The following IFI27L1 variants were observed in gnomAD, a reference collection of about 807,000 sequenced individuals.
IFI27L1 encodes interferon alpha-inducible protein 27-like protein 1.
IFI27L1 carries 3 observed loss-of-function variants against 9.2 expected under a neutral mutation model. The observed-to-expected ratio is 0.32, with a 90% CI of 0.15 to 0.84. The LOEUF (loss-of-function observed/expected upper bound fraction) is 0.84. Ranked by LOEUF, IFI27L1 falls within the 40% of genes least tolerant of loss-of-function variation. The pLI is 0.56. For synonymous variants in IFI27L1, 53 were observed against 50.0 expected (o/e 1.06, Z -0.26); for missense variants, 133 against 134.2 (o/e 0.99, Z 0.05).
rs1886697191 is a variant in IFI27L1, at chr14:94,096,982, A to G, written c.28+17A>G. 2 of 1,603,862 alleles carry G rather than the reference A, an allele frequency of 1.2e-6. No homozygotes were observed. Among genetic ancestry groups the G allele is most frequent in the Admixed American group, 3.4e-5 (2 of 58,804 alleles). ...GGGACTCAGGTGGGTACTGCACATGATTCTGGGGGCTGCTGGTCCTTCCGA... is the reference window on the plus strand; with the variant it reads ...GGGACTCAGGTGGGTACTGCACATGGTTCTGGGGGCTGCTGGTCCTTCCGA... On this transcript the variant is annotated intron_variant, in intron 2 of 4. Coordinates refer to ENST00000555523, the MANE Select transcript of IFI27L1 (RefSeq NM_206949.3).
At chr14:94,098,806 A>G (rs1886775922) in intron 2 of IFI27L1, among the ~76,000 whole-genome samples, 2 of 152,104 alleles carry the variant, frequency 1.3e-5, no homozygotes, top group Non-Finnish European at 2.9e-5. Flanking sequence ...CATCTTGATG[A>G]TTCACTCATG....
chr14:94,096,945 A>G lies in IFI27L1; in HGVS notation c.8A>G (p.Lys3Arg). 1 of 1,613,748 alleles carries G rather than the reference A, an allele frequency of 6.2e-7. No individual in the cohort carries two copies. Among genetic ancestry groups the G allele is most frequent in the African/African-American group, 1.3e-5 (1 of 75,040 alleles). Residue 3 changes from lysine (K) to arginine (R), a missense_variant, in exon 2 of 5, where the codon AAG (lysine) becomes AGG (arginine). Physicochemically the swap from Lys to Arg is conservative, Grantham distance 26 (BLOSUM62 2). Transcript: ENST00000555523. Reference protein sequence around the residue: MGKESGWDSGRAA... With the variant: MGRESGWDSGRAA... ...GAGGCGAAGGGGCCAACCATGGGAA[A>G]GGAGAGTGGATGGGACTCAGGTGGG...
chr14:94,081,769 A>G (rs1051802757), intron 1 of IFI27L1, among the ~76,000 whole-genome samples: 1 of 152,192 alleles, frequency 6.6e-6, no homozygotes, highest in Non-Finnish European at 1.5e-5. Flanking sequence ...CCCATATAAG[A>G]TACAAACGTA....
chr14:94,093,816 A>T (rs974902704), intron 1 of IFI27L1, among the ~76,000 whole-genome samples: 1 of 152,138 alleles, frequency 6.6e-6, no homozygotes, highest in Non-Finnish European at 1.5e-5. Flanking sequence ...TGAAATAAGG[A>T]TGTGTCTATC....
chr14:94,100,908 TG>T, intron 3 of IFI27L1, 137 bp downstream of exon 3: 1 of 942,888 alleles, frequency 1.1e-6, no homozygotes, highest in Non-Finnish European at 1.7e-6. Flanking sequence ...GGCAGAGTGA[TG>T]GGGACCTTAG....
rs1354941463 is a variant in IFI27L1 at position 94,081,319 on chromosome 14, G to A, written c.-182G>A. The A allele has an allele frequency of 1.3e-5, 2 of 152,318 alleles. No individual in the cohort carries two copies. Among genetic ancestry groups the A allele is most frequent in the Non-Finnish European group, 2.9e-5 (2 of 68,094 alleles). 9.4% of individuals were successfully genotyped at this position (152,318 alleles called of 1,614,324 possible). On this transcript the variant is annotated 5_prime_UTR_variant, in exon 1 of 5. Transcript: ENST00000555523. Reference sequence around the variant, plus strand: ...CCTCGCGGACCGCAGCAGTGCCGGCGGGAGAGCTGGCTTGGGGCGCTGGCA... The same window carrying A: ...CCTCGCGGACCGCAGCAGTGCCGGCAGGAGAGCTGGCTTGGGGCGCTGGCA...
At chr14:94,082,193 C>T (rs1004779405) in intron 1 of IFI27L1, among the ~76,000 whole-genome samples, 1 of 152,112 alleles carries the variant, frequency 6.6e-6, no homozygotes, top group Non-Finnish European at 1.5e-5. Flanking sequence ...AAAATAAAAC[C>T]GGCTACAGCA....
intron 1 of IFI27L1, chr14:94,088,106 C>T: frequency 1.6e-6 from 1 of 614,964 alleles, no homozygotes. Flanking sequence ...CCCTGGCTTC[C>T]CCATATGCCA....
In IFI27L1 at chr14:94,085,433, A is replaced by C. The variant is rs78185355; in HGVS notation, c.-52+3984A>C. On this transcript the variant is annotated intron_variant, in intron 1 of 4. Transcript: ENST00000555523. ...TTGCTGCAGTGCCTGGCACATGGTG[A>C]GCTCAATTGACCTTAGCAATTCCTT... Among the ~76,000 whole-genome samples, 771 of 152,342 alleles carry C rather than the reference A, an allele frequency of 5.1e-3. 21 individuals are homozygous for C. In the East Asian group the frequency reaches 0.076, roughly 15 times the overall value.
intron 1 of IFI27L1, among the ~76,000 whole-genome samples, chr14:94,083,329 G>A (rs1350425831): frequency 6.6e-6 from 1 of 152,246 alleles, no homozygotes; most frequent in Non-Finnish European, 1.5e-5. Context: ...TACTCCTGGT[G>A]AAGATGCTGG....
At chr14:94,100,113 G>A (rs1886835994) in intron 2 of IFI27L1, 1 of 207,160 alleles carries the variant, frequency 4.8e-6, no homozygotes, top group African/African-American at 2.4e-5. Context: ...AATAAGAACT[G>A]AAAGACACGT....
chr14:94,097,041 C>A, intron 2 of IFI27L1, 76 bp downstream of exon 2: 1 of 1,205,582 alleles, frequency 8.3e-7, no homozygotes, highest in Admixed American at 2.2e-5. Flanking sequence ...TCTTCTGACA[C>A]CAGATTATGT....
chr14:94,084,258 T>C (rs559279940), intron 1 of IFI27L1, among the ~76,000 whole-genome samples: 1 of 152,238 alleles, frequency 6.6e-6, no homozygotes, highest in East Asian at 1.9e-4. Flanking sequence ...TTCCAGCACT[T>C]TGGGAGGCCC....
At chr14:94,102,266 C>T (rs545582916) in intron 4 of IFI27L1, among the ~76,000 whole-genome samples, 1 of 150,698 alleles carries the variant, frequency 6.6e-6, no homozygotes, top group South Asian at 2.1e-4. Context: ...TGGGATTCCT[C>T]ACCAGAGTTC....
intron 1 of IFI27L1, among the ~76,000 whole-genome samples, chr14:94,094,540 G>A (rs568458693): frequency 7.9e-5 from 12 of 152,274 alleles, no homozygotes; most frequent in African/African-American, 2.6e-4. Context: ...AAAGCAGCAT[G>A]ATGTAAAGAA....
intron 1 of IFI27L1, among the ~76,000 whole-genome samples, chr14:94,096,190 A>G (rs777080344): frequency 1.3e-5 from 2 of 152,204 alleles, no homozygotes; most frequent in Non-Finnish European, 2.9e-5. Flanking sequence ...AAGCCAGTTC[A>G]TGGAGGACTT....
chr14:94,102,618 T>A lies in IFI27L1; in HGVS notation c.*50T>A. 9.4e-7 allele frequency: 1 copy of A among 1,066,698 alleles called. No individual in the cohort carries two copies. The highest frequency in any genetic ancestry group is 1.3e-6 in the Non-Finnish European group (1 of 747,306). The allele number at this position is 1,066,698 out of a possible 1,614,324, so 66.1% of individuals were successfully genotyped here. On this transcript the variant is annotated 3_prime_UTR_variant, in exon 5 of 5. Coordinates refer to ENST00000555523, the MANE Select transcript of IFI27L1 (RefSeq NM_206949.3). ...GCTCTCTTGGTGGAGATGACTTTCC[T>A]GGGCCTCTGGATGACAATCTTCCAA...
chr14:94,097,640 C>T (rs753472589), intron 2 of IFI27L1: 65 of 702,118 alleles, frequency 9.3e-5, no homozygotes, highest in South Asian at 9.0e-4. Context: ...ACTGGAGCTG[C>T]AGAAGTATGA....
intron 2 of IFI27L1, among the ~76,000 whole-genome samples, chr14:94,098,676 C>G (rs569416924): frequency 2.0e-5 from 3 of 152,174 alleles, no homozygotes; most frequent in South Asian, 4.2e-4. Context: ...GGATGGGCAC[C>G]AAGGAGGTCA....
Sources: gnomAD v4.1 joint callset for allele counts (sites outside exome capture counted in the v4.1 genomes callset) on GRCh38, gnomAD v4.1.1 for gene constraint, MANE v1.5 for transcripts, NCBI Gene and HGNC (gene_info 2026-07-23, HGNC 2026-07-21) for gene names.